The following SERBP1 variants were observed in gnomAD, a reference collection of about 807,000 sequenced individuals.
The protein encoded by SERBP1 is SERPINE1 mRNA-binding protein 1.
Under a neutral mutation model 50.2 loss-of-function variants are expected in SERBP1, and 6 were observed. That is an observed-to-expected ratio of 0.12 (90% CI 0.07 to 0.24). The LOEUF is 0.24. SERBP1 is among the 10% of genes least tolerant of loss of function. SERBP1 has a pLI of 1.00. For missense variants in SERBP1, 346 were observed against 524.9 expected (o/e 0.66, Z 3.33); for synonymous variants, 168 against 182.8 (o/e 0.92, Z 0.65).
chr1:67,422,824 G>T (rs1203162498), intron 5 of SERBP1, among the ~76,000 whole-genome samples: 1 of 151,744 alleles, frequency 6.6e-6, no homozygotes, highest in African/African-American at 2.4e-5. Flanking sequence ...AGCTGGGCGT[G>T]GTGATGCATG....
At chr1:67,429,702 C>T (rs1175375245) in intron 1 of SERBP1, 3 of 320,458 alleles carry the variant, frequency 9.4e-6, no homozygotes, top group Non-Finnish European at 1.7e-5. Context: ...CTCCCAGGAC[C>T]TCGAGCGCGC....
intron 7 of SERBP1, 107 bp from the exon 8 acceptor site, chr1:67,413,370 C>T: frequency 2.9e-6 from 3 of 1,030,024 alleles, no homozygotes; most frequent in South Asian, 3.6e-5. Context: ...TACTGTTGGC[C>T]AGGCACAGTG....
In SERBP1 at chr1:67,428,357, G is replaced by A. The variant is rs150574433; in HGVS notation, c.313+1631C>T. On this transcript the variant is annotated intron_variant, in intron 1 of 7. Transcript: ENST00000361219. ...TCAGGTAAGAGCTTATTTCATAGAT[G>A]GGCTTCATGATCAAAATAACTCAGG... Among the ~76,000 whole-genome samples the A allele has an allele frequency of 2.5e-3, 374 of 152,284 alleles. 1 individual carries two copies. The highest frequency in any genetic ancestry group is 8.5e-3 in the African/African-American group (354 of 41,548).
intron 5 of SERBP1, among the ~76,000 whole-genome samples, chr1:67,420,816 T>C (rs1667176351): frequency 6.6e-6 from 1 of 152,218 alleles, no homozygotes; most frequent in Admixed American, 6.5e-5. Context: ...AATAGAACTA[T>C]CCACAAACAC....
rs528876262 is a variant in SERBP1, at chr1:67,420,147, T to C, written c.813A>G (p.Lys271=). 84 of 1,613,542 alleles carry C rather than the reference T, an allele frequency of 5.2e-5. No homozygotes were observed. In the South Asian group the frequency reaches 8.7e-4, roughly 17 times the overall value. ...EVEEVKEEGP[K]EMTLDEWKAI... ...CCTTCCACTCATCCAAAGTCATCTC[T>C]TTTGGACCCTCCTCTTTTACCTCTT... The change falls in exon 6 of 8, where the codon AAA becomes AAG. Residue 271 remains lysine, a synonymous_variant. Coordinates refer to ENST00000361219, the MANE Select transcript of SERBP1 (RefSeq NM_001018069.2).
chr1:67,429,719 A>C, intron 1 of SERBP1: 1 of 351,410 alleles, frequency 2.8e-6, no homozygotes, highest in East Asian at 5.0e-5. Flanking sequence ...GCGCTCGAGG[A>C]GCAGCTCATC....
chr1:67,421,814 C>T (rs897177762), intron 5 of SERBP1, among the ~76,000 whole-genome samples: 1 of 152,108 alleles, frequency 6.6e-6, no homozygotes, highest in African/African-American at 2.4e-5. Context: ...ATTAGCCAGG[C>T]ATGGTGGAGC....
intron 4 of SERBP1, 142 bp downstream of exon 4, chr1:67,424,746 C>T: frequency 1.5e-6 from 1 of 671,646 alleles, no homozygotes; most frequent in Admixed American, 2.9e-5. Flanking sequence ...AACCCAAACC[C>T]ATCCCATAAG....
intron 7 of SERBP1, among the ~76,000 whole-genome samples, 185 bp downstream of exon 7, chr1:67,414,978 CACT>C (rs1383331241): frequency 1.3e-5 from 2 of 152,192 alleles, no homozygotes; most frequent in African/African-American, 4.8e-5. Context: ...GGTAACTTAA[CACT>C]ACTAACAGCA....
At chr1:67,426,076 C>T (rs1183229102) in intron 2 of SERBP1, 59 bp downstream of exon 2, 10 of 1,448,290 alleles carry the variant, frequency 6.9e-6, no homozygotes, top group Non-Finnish European at 9.4e-6. Flanking sequence ...GCTTGTACCA[C>T]TGCACTCCAG....
In SERBP1 at chr1:67,424,926, G is replaced by T; in HGVS notation, c.657C>A (p.Ser219Arg). The T allele has an allele frequency of 6.2e-7, 1 of 1,612,518 alleles. No individual in the cohort carries two copies. Among genetic ancestry groups the T allele is most frequent in the Middle Eastern group, 2.0e-4 (1 of 4,936 alleles). ...GLKHEDKRGG[S>R]GSHNWGTVKD... ...TGACAGTTCCCCAGTTGTGAGATCC[G>T]CTACCTCCACGTTTGTCCTCGTGCT... Residue 219 changes from serine (S) to arginine (R), a missense_variant, in exon 4 of 8, where the codon AGC becomes AGA. Ser to Arg is a moderately radical substitution (Grantham distance 110, BLOSUM62 -1). Transcript: ENST00000361219.
At chr1:67,427,830 A>G (rs1426016120) in intron 1 of SERBP1, among the ~76,000 whole-genome samples, 2 of 152,240 alleles carry the variant, frequency 1.3e-5, no homozygotes, top group African/African-American at 4.8e-5. Context: ...ATAACTTGCA[A>G]GCTCACTAAC....
chr1:67,413,816 CT>C (rs201292572), intron 7 of SERBP1, among the ~76,000 whole-genome samples: 2 of 150,866 alleles, frequency 1.3e-5, no homozygotes, highest in Non-Finnish European at 1.5e-5. Context: ...TTCTTTTTCT[CT>C]TTTTTTTTGG....
At chr1:67,418,380 T>C (rs1173849233) in intron 6 of SERBP1, among the ~76,000 whole-genome samples, 1 of 152,152 alleles carries the variant, frequency 6.6e-6, no homozygotes, top group African/African-American at 2.4e-5. Flanking sequence ...TCTCTAAACC[T>C]AAAAAAACTT....
chr1:67,424,484 C>T, intron 4 of SERBP1: 2 of 557,674 alleles, frequency 3.6e-6, no homozygotes, highest in Non-Finnish European at 6.1e-6. Flanking sequence ...CTAGTTAGTT[C>T]ATATACTTCA....
intron 5 of SERBP1, among the ~76,000 whole-genome samples, chr1:67,421,789 A>C (rs1667205378): frequency 6.6e-6 from 1 of 152,058 alleles, no homozygotes; most frequent in Non-Finnish European, 1.5e-5. Context: ...CCATGTCTCT[A>C]CTGAAAATAC....
At chr1:67,428,876 G>A (rs778834259) in intron 1 of SERBP1, among the ~76,000 whole-genome samples, 12 of 152,094 alleles carry the variant, frequency 7.9e-5, no homozygotes, top group Non-Finnish European at 1.5e-4. Context: ...GGCAGGAAGG[G>A]GTAATTTCAA....
intron 6 of SERBP1, among the ~76,000 whole-genome samples, chr1:67,416,643 C>G (rs1387519309): frequency 6.6e-6 from 1 of 152,162 alleles, no homozygotes; most frequent in Non-Finnish European, 1.5e-5. Flanking sequence ...AATATTACAG[C>G]TGTTAATAAC....
chr1:67,420,198 T>A lies in SERBP1; in HGVS notation c.774-12A>T, dbSNP rs1159507251. The A allele has an allele frequency of 6.3e-7, 1 of 1,598,194 alleles. No homozygotes were observed. Among genetic ancestry groups the A allele is most frequent in the East Asian group, 2.2e-5 (1 of 44,534 alleles). ...CAACTTCATTCTCCCTGTGAAAAGG[T>A]TTTCAAGTTTTATACCTGGTAGAGA... On this transcript the variant is annotated splice_polypyrimidine_tract_variant and intron_variant, in intron 5 of 7. Coordinates refer to ENST00000361219, the MANE Select transcript of SERBP1 (RefSeq NM_001018069.2).
Sources: allele counts gnomAD v4.1 joint callset (sites outside exome capture counted in the v4.1 genomes callset), GRCh38; gene constraint gnomAD v4.1.1; transcripts MANE v1.5; gene names NCBI Gene and HGNC (gene_info 2026-07-23, HGNC 2026-07-21).